The following FGF10 variants were observed in gnomAD, a reference collection of about 807,000 sequenced individuals.
FGF10 encodes FGF-10.
Under a neutral mutation model 19.8 loss-of-function variants are expected in FGF10, and 2 were observed. The observed-to-expected ratio is 0.10, with a 90% confidence interval of 0.04 to 0.32. FGF10 has a LOEUF of 0.32. Ranked by LOEUF, FGF10 falls within the 10% of genes least tolerant of loss-of-function variation. The pLI is 1.00. For synonymous variants in FGF10, 112 were observed against 94.0 expected, an observed-to-expected ratio of 1.19 and a Z score of -1.10; for missense variants, 191 against 246.3, an observed-to-expected ratio of 0.78 and a Z score of 1.50.
intron 1 of FGF10, among the ~76,000 whole-genome samples, chr5:44,371,277 C>T (rs530704191): frequency 1.3e-5 from 2 of 152,186 alleles, no homozygotes; most frequent in South Asian, 4.2e-4. Context: ...TGCCACGGTG[C>T]CCTGCAGAAA....
In FGF10 at chr5:44,301,678, T is replaced by C. The variant is rs1312600514; in HGVS notation, c.*3317A>G. Among the ~76,000 whole-genome samples the C allele has an allele frequency of 6.6e-6, 1 of 152,224 alleles. No homozygotes were observed. Among genetic ancestry groups the C allele is most frequent in the Non-Finnish European group, 1.5e-5 (1 of 68,038 alleles). Reference sequence around the variant, plus strand: ...TGGTTGTTATTAGAGTAAAGATAGCTAACTCACACATGTGAAACATTAGAG... The same window carrying C: ...TGGTTGTTATTAGAGTAAAGATAGCCAACTCACACATGTGAAACATTAGAG... On this transcript the variant is annotated 3_prime_UTR_variant, in exon 3 of 3. Transcript: ENST00000264664.
chr5:44,317,279 A>G (rs1740372672), intron 1 of FGF10, among the ~76,000 whole-genome samples: 1 of 152,212 alleles, frequency 6.6e-6, no homozygotes, highest in Non-Finnish European at 1.5e-5. Flanking sequence ...CTGAATTTGC[A>G]GAAAATCCTT....
chr5:44,376,260 A>C (rs570544885), intron 1 of FGF10, among the ~76,000 whole-genome samples: 1 of 151,962 alleles, frequency 6.6e-6, no homozygotes, highest in East Asian at 2.0e-4. Flanking sequence ...CGATCACACA[A>C]CTATGAAGTT....
At chr5:44,352,380 T>C (rs1484918521) in intron 1 of FGF10, among the ~76,000 whole-genome samples, 2 of 151,618 alleles carry the variant, frequency 1.3e-5, no homozygotes, top group Non-Finnish European at 3.0e-5. Context: ...AGAGGTAGCA[T>C]GACCCTTACC....
intron 1 of FGF10, among the ~76,000 whole-genome samples, chr5:44,337,998 TA>T (rs1161519761): frequency 1.3e-5 from 2 of 152,140 alleles, no homozygotes; most frequent in Non-Finnish European, 2.9e-5. Flanking sequence ...GAAAACAATC[TA>T]AATGTCCAAA....
At chr5:44,346,044 C>T (rs935707003) in intron 1 of FGF10, among the ~76,000 whole-genome samples, 19 of 151,706 alleles carry the variant, frequency 1.3e-4, no homozygotes, top group Admixed American at 1.1e-3. Flanking sequence ...TAACGGCTGC[C>T]CTTGAAATTC....
In FGF10 at chr5:44,303,169, C is replaced by A. The variant is rs1272897505; in HGVS notation, c.*1826G>T. On this transcript the variant is annotated 3_prime_UTR_variant, in exon 3 of 3. Transcript: ENST00000264664. The stretch of plus-strand genomic sequence containing the variant: ...AAAAGACAGTGCCTCAAATGTGTTT[C>A]TTCTGAAATACAGTTTTTTTGAAGA... 1.3e-5 allele frequency among the ~76,000 whole-genome samples: 2 copies of A among 152,110 alleles called. No homozygotes were observed. Among genetic ancestry groups the A allele is most frequent in the Admixed American group, 6.6e-5 (1 of 15,266 alleles).
chr5:44,370,076 T>C (rs1176890715), intron 1 of FGF10, among the ~76,000 whole-genome samples: 1 of 152,144 alleles, frequency 6.6e-6, no homozygotes, highest in Non-Finnish European at 1.5e-5. Context: ...TTTATAATTT[T>C]CATTTTGAGC....
At chr5:44,371,231 C>T (rs1741735072) in intron 1 of FGF10, among the ~76,000 whole-genome samples, 1 of 152,060 alleles carries the variant, frequency 6.6e-6, no homozygotes, top group Non-Finnish European at 1.5e-5. Context: ...ACCTGAACTA[C>T]CACACTCAGC....
chr5:44,387,028 C>G (rs1742114250), intron 1 of FGF10, among the ~76,000 whole-genome samples: 1 of 152,174 alleles, frequency 6.6e-6, no homozygotes, highest in African/African-American at 2.4e-5. Context: ...GAACAACTAA[C>G]ACAAAAATGT....
intron 1 of FGF10, among the ~76,000 whole-genome samples, chr5:44,361,485 G>A (rs1163935469): frequency 6.6e-6 from 1 of 151,586 alleles, no homozygotes; most frequent in Non-Finnish European, 1.5e-5. Context: ...GTGTTAATTA[G>A]GAGAGCAAAG....
rs920346177 is a variant in FGF10 at position 44,389,396 on chromosome 5, G to A, written c.-714C>T. Reference sequence around the variant, plus strand: ...CCTTTGGAAAGTCCGCTTGTAAACAGGTTGAAGCCTGGAGTCTAAATGTCA... The same window carrying A: ...CCTTTGGAAAGTCCGCTTGTAAACAAGTTGAAGCCTGGAGTCTAAATGTCA... On this transcript the variant is annotated 5_prime_UTR_variant, in exon 1 of 3. Coordinates refer to ENST00000264664, the MANE Select transcript of FGF10 (RefSeq NM_004465.2). The A allele has an allele frequency of 1.3e-5, 2 of 153,980 alleles. No homozygotes were observed. The highest frequency in any genetic ancestry group is 4.8e-5 in the African/African-American group (2 of 41,428). The allele number at this position is 153,980 out of a possible 1,614,324, so 9.5% of individuals were successfully genotyped here.
Position 44,388,249 on chromosome 5 carries a change from G to A in FGF10, c.325+109C>T, listed in dbSNP as rs978469493. The A allele has an allele frequency of 1.5e-4, 146 of 985,758 alleles. 1 individual carries two copies. In the African/African-American group the frequency reaches 2.1e-3, roughly 14 times the overall value. The allele number at this position is 985,758 out of a possible 1,614,324, so 61.1% of individuals were successfully genotyped here. A position where few individuals can be genotyped will look rare whatever the true frequency, so the allele number is the denominator to read the frequency against. On this transcript the variant is annotated intron_variant, in intron 1 of 2. Transcript: ENST00000264664. ...AGTATTCCACTTAATCATTTTACAGGGGTTGGGGACGTAAATATTTAGCTG... is the reference window on the plus strand; with the variant it reads ...AGTATTCCACTTAATCATTTTACAGAGGTTGGGGACGTAAATATTTAGCTG...
At chr5:44,352,935 C>G (rs1318561498) in intron 1 of FGF10, among the ~76,000 whole-genome samples, 1 of 151,560 alleles carries the variant, frequency 6.6e-6, no homozygotes, top group African/African-American at 2.4e-5. Context: ...ATATTATATG[C>G]TAGGCTTCTC....
rs370461676 is a variant in FGF10 at position 44,359,534 on chromosome 5, A to T, written c.325+28824T>A. 3.5e-4 allele frequency among the ~76,000 whole-genome samples: 53 copies of T among 151,490 alleles called. No homozygotes were observed. In the East Asian group the frequency reaches 4.1e-3, roughly 12 times the overall value. On this transcript the variant is annotated intron_variant, in intron 1 of 2. Transcript: ENST00000264664. ...TCTGAGGGAGGGTGTTGTACAGTGGACTTTTCAGTCTAATAGACTGGGCTA... is the reference window on the plus strand; with the variant it reads ...TCTGAGGGAGGGTGTTGTACAGTGGTCTTTTCAGTCTAATAGACTGGGCTA...
At chr5:44,363,043 A>C (rs537278429) in intron 1 of FGF10, among the ~76,000 whole-genome samples, 1 of 151,920 alleles carries the variant, frequency 6.6e-6, no homozygotes, top group Non-Finnish European at 1.5e-5. Context: ...GTACTTCTAA[A>C]TAGTGTCCTC....
intron 1 of FGF10, among the ~76,000 whole-genome samples, chr5:44,316,887 C>A (rs1409175426): frequency 1.3e-5 from 2 of 152,114 alleles, no homozygotes; most frequent in Non-Finnish European, 2.9e-5. Context: ...AACTTAAGTG[C>A]CTTCAACTAC....
chr5:44,368,778 G>A (rs970212750), intron 1 of FGF10, among the ~76,000 whole-genome samples: 3 of 151,946 alleles, frequency 2.0e-5, no homozygotes, highest in South Asian at 2.1e-4. Flanking sequence ...GGATCCTCCC[G>A]CCTCAGACTC....
chr5:44,389,026 C>T lies in FGF10; in HGVS notation c.-344G>A, dbSNP rs1404545360. 7.3e-6 allele frequency: 3 copies of T among 408,608 alleles called. No homozygotes were observed. Among genetic ancestry groups the T allele is most frequent in the African/African-American group, 6.1e-5 (3 of 49,438 alleles). 25.3% of individuals were successfully genotyped at this position (408,608 alleles called of 1,614,324 possible). ...AGTTACTTTGTTCTCTTCTTTACTCCTTTCTTCACCATGTTAGATGCCAAA... is the reference window on the plus strand; with the variant it reads ...AGTTACTTTGTTCTCTTCTTTACTCTTTTCTTCACCATGTTAGATGCCAAA... On this transcript the variant is annotated 5_prime_UTR_variant, in exon 1 of 3. Coordinates refer to ENST00000264664, the MANE Select transcript of FGF10 (RefSeq NM_004465.2).
Sources: allele counts gnomAD v4.1 joint callset (sites outside exome capture counted in the v4.1 genomes callset), GRCh38; gene constraint gnomAD v4.1.1; transcripts MANE v1.5; gene names NCBI Gene and HGNC (gene_info 2026-07-23, HGNC 2026-07-21).